The following SNX29 variants were observed in gnomAD, a reference collection of about 807,000 sequenced individuals.
SNX29 encodes the protein sorting nexin 29.
Under a neutral mutation model 102.1 loss-of-function variants are expected in SNX29, and 78 were observed. The observed-to-expected ratio is 0.76, with a 90% confidence interval of 0.64 to 0.92. SNX29 has a LOEUF of 0.92. Ranked by LOEUF, SNX29 falls within the 40% of genes least tolerant of loss-of-function variation. The pLI is 0.00. For synonymous variants in SNX29, 580 were observed against 414.5 expected, an observed-to-expected ratio of 1.40 and a Z score of -4.85; for missense variants, 1,280 against 1,061.7, an observed-to-expected ratio of 1.21 and a Z score of -2.86.
At chr16:12,361,506 T>C (rs1016309132) in intron 16 of SNX29, among the ~76,000 whole-genome samples, 1 of 152,202 alleles carries the variant, frequency 6.6e-6, no homozygotes, top group Admixed American at 6.5e-5. Flanking sequence ...GCTTCCCTCT[T>C]GTATATTAGT....
chr16:12,061,497 C>G, intron 8 of SNX29, 31 bp from the exon 9 acceptor site: 2 of 1,546,540 alleles, frequency 1.3e-6, no homozygotes, highest in South Asian at 2.4e-5. Flanking sequence ...GGCTCTTTGG[C>G]CTGTCCTGCA....
chr16:12,368,072 G>A (rs2082550340), intron 16 of SNX29, among the ~76,000 whole-genome samples: 1 of 152,188 alleles, frequency 6.6e-6, no homozygotes, highest in African/African-American at 2.4e-5. Flanking sequence ...GCACCTGGGG[G>A]GAGTTGGAAG....
intron 14 of SNX29, among the ~76,000 whole-genome samples, chr16:12,250,769 C>T (rs1246246068): frequency 6.6e-6 from 1 of 152,174 alleles, no homozygotes; most frequent in African/African-American, 2.4e-5. Context: ...TCAGGGCTGG[C>T]TTCCTGAAGG....
At position 12,062,377 on chromosome 16, in the gene SNX29, AAAATAAATAAATAAATAAATAAATAAAT is replaced by A. The variant is rs34207508; in HGVS notation, c.1243+749_1243+776del. Among the ~76,000 whole-genome samples the A allele has an allele frequency of 2.9e-5, 4 of 137,642 alleles. No individual in the cohort carries two copies. The Admixed American group carries it at 3.0e-4, about 10-fold the overall frequency. 90.3% of individuals were successfully genotyped at this position (137,642 alleles called of 152,430 possible). Reference sequence around the variant, plus strand: ...CTGTGTGACAGTGAGACTCTGTCTCAAAATAAATAAATAAATAAATAAATAAATAAATAAATAAATAAATATGTCTCTG... The same window carrying A: ...CTGTGTGACAGTGAGACTCTGTCTCAAAATAAATAAATAAATATGTCTCTG... On this transcript the variant is annotated intron_variant, in intron 9 of 20. Coordinates refer to ENST00000566228, the MANE Select transcript of SNX29 (RefSeq NM_032167.5).
chr16:12,172,400 G>C (rs2076168802), intron 13 of SNX29, among the ~76,000 whole-genome samples: 1 of 152,132 alleles, frequency 6.6e-6, no homozygotes, highest in African/African-American at 2.4e-5. Context: ...CAATATCTCT[G>C]AGTCCCCCAG....
chr16:12,559,592 A>T (rs190824609), intron 20 of SNX29, among the ~76,000 whole-genome samples: 1,879 of 152,116 alleles, frequency 0.012, 36 homozygotes, highest in African/African-American at 0.042. Flanking sequence ...TGGTGCCAAA[A>T]AGGTTGGGGA....
At chr16:12,170,087 C>T (rs9635476) in intron 13 of SNX29, among the ~76,000 whole-genome samples, 1 of 152,238 alleles carries the variant, frequency 6.6e-6, no homozygotes, top group East Asian at 1.9e-4. Context: ...GCACCTCTGA[C>T]TTCTAGATGC....
chr16:12,222,437 C>T lies in SNX29; in HGVS notation c.1678+22754C>T, dbSNP rs185791838. Among the ~76,000 whole-genome samples, 791 of 152,314 alleles carry T rather than the reference C, an allele frequency of 5.2e-3. 3 individuals carry two copies. The highest frequency in any genetic ancestry group is 0.017 in the Middle Eastern group (5 of 294). On this transcript the variant is annotated intron_variant, in intron 14 of 20. Coordinates refer to ENST00000566228, the MANE Select transcript of SNX29 (RefSeq NM_032167.5). ...GGGAAAAAGACCACTTGATAAAAGACAACCACCAGCTTGTATGTTTACATC... is the reference window on the plus strand; with the variant it reads ...GGGAAAAAGACCACTTGATAAAAGATAACCACCAGCTTGTATGTTTACATC...
intron 20 of SNX29, among the ~76,000 whole-genome samples, chr16:12,542,723 TA>T (rs374106017): frequency 0.045 from 6,856 of 152,020 alleles, 268 homozygotes; most frequent in East Asian, 0.18. Flanking sequence ...CTTTTACTCT[TA>T]AATCTTGTGC....
At chr16:12,540,353 C>G (rs146369286) in intron 20 of SNX29, among the ~76,000 whole-genome samples, 2 of 152,136 alleles carry the variant, frequency 1.3e-5, no homozygotes, top group Admixed American at 1.3e-4. Flanking sequence ...AACGTTATCC[C>G]CTGTATTAAT....
intron 13 of SNX29, among the ~76,000 whole-genome samples, chr16:12,151,226 C>G (rs1483188285): frequency 6.6e-6 from 1 of 152,114 alleles, no homozygotes; most frequent in Non-Finnish European, 1.5e-5. Flanking sequence ...ACAGCAAGTC[C>G]TAGATGTTAC....
At chr16:12,196,609 T>A (rs1421350621) in intron 13 of SNX29, among the ~76,000 whole-genome samples, 1 of 121,220 alleles carries the variant, frequency 8.2e-6, no homozygotes, top group Non-Finnish European at 1.9e-5. Context: ...TTTACTTTTC[T>A]TTTTTCTTTT....
intron 19 of SNX29, among the ~76,000 whole-genome samples, chr16:12,496,652 A>T (rs572745806): frequency 1.3e-5 from 2 of 151,826 alleles, no homozygotes; most frequent in Admixed American, 6.6e-5. Context: ...CTAGGATTAC[A>T]GGCACCTGCC....
chr16:12,368,110 G>A (rs932678558), intron 16 of SNX29, among the ~76,000 whole-genome samples: 1 of 152,152 alleles, frequency 6.6e-6, no homozygotes, highest in African/African-American at 2.4e-5. Flanking sequence ...TTTCTTTTCT[G>A]ATGCACTTGT....
At chr16:12,307,393 C>A (rs1357614940) in intron 15 of SNX29, among the ~76,000 whole-genome samples, 1 of 152,116 alleles carries the variant, frequency 6.6e-6, no homozygotes, top group East Asian at 1.9e-4. Context: ...AAATGCAATT[C>A]CTGTCATTAA....
At chr16:12,554,472 C>G (rs1300686946) in intron 20 of SNX29, among the ~76,000 whole-genome samples, 1 of 152,216 alleles carries the variant, frequency 6.6e-6, no homozygotes, top group African/African-American at 2.4e-5. Context: ...GGGTCCTGCA[C>G]ATAGGCATGG....
intron 14 of SNX29, among the ~76,000 whole-genome samples, chr16:12,211,901 T>A (rs1567316601): frequency 6.6e-6 from 1 of 152,196 alleles, no homozygotes; most frequent in Non-Finnish European, 1.5e-5. Flanking sequence ...ACATTTAGAC[T>A]GGTGTTGGGT....
intron 19 of SNX29, among the ~76,000 whole-genome samples, chr16:12,503,848 T>G (rs2089242478): frequency 6.6e-6 from 1 of 152,200 alleles, no homozygotes; most frequent in African/African-American, 2.4e-5. Flanking sequence ...TAGATTCCAT[T>G]GTTCTGTTTG....
chr16:12,569,325 C>T lies in SNX29; in HGVS notation c.*696C>T, dbSNP rs1043337341. On this transcript the variant is annotated 3_prime_UTR_variant, in exon 21 of 21. Coordinates refer to ENST00000566228, the MANE Select transcript of SNX29 (RefSeq NM_032167.5). ...GGCTTCAGGAAGGACCAGTGCCCTC[C>T]ATAGCCTGAGGCCACCTAGGCCCTC... 3.5e-5 allele frequency: 8 copies of T among 229,874 alleles called. No individual in the cohort carries two copies. The highest frequency in any genetic ancestry group is 8.9e-5 in the African/African-American group (4 of 45,120). 14.2% of individuals were successfully genotyped at this position (229,874 alleles called of 1,614,324 possible). A position where few individuals can be genotyped will look rare whatever the true frequency, so the allele number is the denominator to read the frequency against.
Sources: gnomAD v4.1 joint callset for allele counts (sites outside exome capture counted in the v4.1 genomes callset) on GRCh38, gnomAD v4.1.1 for gene constraint, MANE v1.5 for transcripts, NCBI Gene and HGNC (gene_info 2026-07-23, HGNC 2026-07-21) for gene names.